PRKN: variants seen among roughly 807,000 people sequenced by gnomAD.
PRKN encodes the protein E3 ubiquitin-protein ligase parkin.
Under a neutral mutation model 59.5 loss-of-function variants are expected in PRKN, and 56 were observed. The observed-to-expected ratio is 0.94, with a 90% confidence interval of 0.76 to 1.18. The LOEUF is 1.18. Ranked by LOEUF, PRKN falls within the 50% of genes most tolerant of loss-of-function variation. The pLI is 0.00. For missense variants in PRKN, 657 were observed against 596.4 expected (o/e 1.10, Z -1.06); for synonymous variants, 250 against 222.1 (o/e 1.13, Z -1.12).
intron 2 of PRKN, among the ~76,000 whole-genome samples, chr6:162,312,552 G>A (rs755003669): frequency 6.6e-6 from 1 of 152,116 alleles, no homozygotes; most frequent in Non-Finnish European, 1.5e-5. Flanking sequence ...CCAAGTTAAT[G>A]GCATTCCATT....
chr6:162,189,969 C>T (rs1784202804), intron 4 of PRKN, among the ~76,000 whole-genome samples: 1 of 152,062 alleles, frequency 6.6e-6, no homozygotes, highest in South Asian at 2.1e-4. Flanking sequence ...ATATGAAATT[C>T]TGTATGCACA....
At chr6:161,747,603 C>T (rs1788487437) in intron 7 of PRKN, among the ~76,000 whole-genome samples, 1 of 152,184 alleles carries the variant, frequency 6.6e-6, no homozygotes, top group Non-Finnish European at 1.5e-5. Flanking sequence ...ACAATATTAG[C>T]AGTGCATAAT....
chr6:161,395,644 AAAG>A lies in PRKN; in HGVS notation c.1084-8770_1084-8768del, dbSNP rs1311431832. On this transcript the variant is annotated intron_variant, in intron 9 of 11. Coordinates refer to ENST00000366898, the MANE Select transcript of PRKN (RefSeq NM_004562.3). The surrounding 1 kb of genome is among the most constrained non-coding windows in gnomAD (Gnocchi z 5.0). ...CCACCGCCTTTGTCAAGCTGCTTTA[AAAG>A]AATATCAAATACATCCCAGCACTTT... Among the ~76,000 whole-genome samples, 2 of 152,190 alleles carry A rather than the reference AAAG, an allele frequency of 1.3e-5. No individual in the cohort carries two copies. The highest frequency in any genetic ancestry group is 2.9e-5 in the Non-Finnish European group (2 of 68,026).
At chr6:162,502,753 G>A (rs1402243153) in intron 1 of PRKN, among the ~76,000 whole-genome samples, 1 of 151,956 alleles carries the variant, frequency 6.6e-6, no homozygotes. Flanking sequence ...AAATATTTGG[G>A]TGATGATCAA....
In PRKN at chr6:161,442,525, G is replaced by A. The variant is rs1471861431; in HGVS notation, c.1084-55648C>T. On this transcript the variant is annotated intron_variant, in intron 9 of 11. Coordinates refer to ENST00000366898, the MANE Select transcript of PRKN (RefSeq NM_004562.3). The surrounding 1 kb of genome is among the most constrained non-coding windows in gnomAD (Gnocchi z 4.6). ...TCACATGACCTTCTCCTTAGTGGGC[G>A]AGTACAAGAAGGCACTGAATAGCGT... Among the ~76,000 whole-genome samples the A allele has an allele frequency of 6.6e-6, 1 of 152,140 alleles. No individual in the cohort carries two copies. The highest frequency in any genetic ancestry group is 2.1e-4 in the South Asian group (1 of 4,812).
chr6:161,695,306 G>A (rs1195684796), intron 7 of PRKN, among the ~76,000 whole-genome samples: 1 of 152,188 alleles, frequency 6.6e-6, no homozygotes, highest in Non-Finnish European at 1.5e-5. Flanking sequence ...CCTGAAATGA[G>A]AGAGGTTCCT....
intron 2 of PRKN, among the ~76,000 whole-genome samples, chr6:162,371,257 C>A (rs1286600813): frequency 6.6e-6 from 1 of 152,156 alleles, no homozygotes; most frequent in African/African-American, 2.4e-5. Context: ...CGACCCAAAT[C>A]CTCAGGCAAC....
intron 1 of PRKN, among the ~76,000 whole-genome samples, chr6:162,614,929 T>C (rs184877833): frequency 2.6e-5 from 4 of 152,330 alleles, no homozygotes; most frequent in Admixed American, 2.0e-4. Context: ...TTTCTATGCA[T>C]TGAGAATAGA....
At chr6:162,629,520 A>G (rs1783022608) in intron 1 of PRKN, among the ~76,000 whole-genome samples, 1 of 152,172 alleles carries the variant, frequency 6.6e-6, no homozygotes, top group African/African-American at 2.4e-5. Flanking sequence ...CAACATATAT[A>G]TATTTAAAGG....
chr6:162,420,718 T>C (rs895007966), intron 2 of PRKN, among the ~76,000 whole-genome samples: 1 of 152,138 alleles, frequency 6.6e-6, no homozygotes, highest in Admixed American at 6.5e-5. Flanking sequence ...TAGCTATGAC[T>C]CTGTAGCTCA....
intron 10 of PRKN, among the ~76,000 whole-genome samples, chr6:161,367,948 G>A (rs1785275918): frequency 6.6e-6 from 1 of 152,094 alleles, no homozygotes; most frequent in Admixed American, 6.5e-5. Context: ...AGGCCGCCTG[G>A]CCTGCGAGCA....
chr6:162,195,835 T>C (rs887471410), intron 4 of PRKN, among the ~76,000 whole-genome samples: 1 of 152,188 alleles, frequency 6.6e-6, no homozygotes. Context: ...CTGGAGGGAT[T>C]AGCAATTCAT....
In PRKN at chr6:162,077,540, T is replaced by TATA. The variant is rs1185348325; in HGVS notation, c.535-23369_535-23367dup. 1.6e-4 allele frequency among the ~76,000 whole-genome samples: 25 copies of TATA among 152,144 alleles called. 1 individual carries two copies. Among genetic ancestry groups the TATA allele is most frequent in the African/African-American group, 5.8e-4 (24 of 41,426 alleles). ...ATAGAGGGACCTGGAGGAGGTCTCT[T>TATA]ATAAATTGCTTGTGATTATTAGCTG... is the stretch of plus-strand genomic sequence containing the variant. On this transcript the variant is annotated intron_variant, in intron 4 of 11. Transcript: ENST00000366898.
At chr6:161,660,931 G>C (rs192504396) in intron 7 of PRKN, among the ~76,000 whole-genome samples, 3 of 152,146 alleles carry the variant, frequency 2.0e-5, no homozygotes. Context: ...CCAGTCTTCC[G>C]TGACTCAGGC....
At chr6:162,150,480 GCAGGATTCGTCT>G (rs1316288214) in intron 4 of PRKN, among the ~76,000 whole-genome samples, 1 of 152,168 alleles carries the variant, frequency 6.6e-6, no homozygotes, top group East Asian at 1.9e-4. Flanking sequence ...AGAGCCCCTG[GCAGGATTCGTCT>G]CAGGTGAAAA....
chr6:161,915,139 A>T (rs1189937308), intron 6 of PRKN, among the ~76,000 whole-genome samples: 1 of 152,106 alleles, frequency 6.6e-6, no homozygotes, highest in African/African-American at 2.4e-5. Flanking sequence ...ACAAAAAATT[A>T]GCTGGGCGTG....
chr6:162,267,831 A>T (rs758510839), intron 2 of PRKN, among the ~76,000 whole-genome samples: 1 of 152,016 alleles, frequency 6.6e-6, no homozygotes, highest in Non-Finnish European at 1.5e-5. Flanking sequence ...ACAATGATCA[A>T]CTCTCATCTG....
intron 6 of PRKN, among the ~76,000 whole-genome samples, chr6:161,913,245 A>C: frequency 6.6e-6 from 1 of 152,152 alleles, no homozygotes; most frequent in East Asian, 1.9e-4. Context: ...CAATAGTCAA[A>C]CTCAAAAGAA....
At chr6:161,824,382 A>G (rs1792155831) in intron 6 of PRKN, among the ~76,000 whole-genome samples, 1 of 152,270 alleles carries the variant, frequency 6.6e-6, no homozygotes, top group African/African-American at 2.4e-5. Flanking sequence ...GGCCTTGTGC[A>G]TAAACACAAA....
Sources: allele counts gnomAD v4.1 joint callset (sites outside exome capture counted in the v4.1 genomes callset), GRCh38; gene constraint gnomAD v4.1.1; non-coding constraint Gnocchi (gnomAD v3.1); transcripts MANE v1.5; gene names NCBI Gene and HGNC (gene_info 2026-07-23, HGNC 2026-07-21).